BCAS3: variants seen among roughly 807,000 people sequenced by gnomAD.
BCAS3 encodes BCAS4/BCAS3 fusion.
Under a neutral mutation model 116.1 loss-of-function variants are expected in BCAS3, and 53 were observed. The ratio of observed to expected loss-of-function variants is 0.46; its 90% confidence interval spans 0.37 to 0.57. The LOEUF is 0.57. Ranked by LOEUF, BCAS3 falls within the 20% of genes least tolerant of loss-of-function variation. The probability of loss-of-function intolerance (pLI) is 0.00; values close to 1 mark genes in which losing one functional copy is unlikely to be tolerated. For synonymous variants in BCAS3, 391 were observed against 408.2 expected, an observed-to-expected ratio of 0.96 and a Z score of 0.51; for missense variants, 917 against 1,165.4, an observed-to-expected ratio of 0.79 and a Z score of 3.10.
intron 22 of BCAS3, among the ~76,000 whole-genome samples, chr17:61,182,444 A>G (rs1428342011): frequency 6.6e-6 from 1 of 152,174 alleles, no homozygotes; most frequent in African/African-American, 2.4e-5. Flanking sequence ...TCAATAAATA[A>G]CCAAGCTTGT....
chr17:61,339,294 A>G lies in BCAS3; in HGVS notation c.2426-29033A>G, dbSNP rs1392432756. Among the ~76,000 whole-genome samples the G allele has an allele frequency of 1.3e-5, 2 of 152,178 alleles. No individual in the cohort carries two copies. The highest frequency in any genetic ancestry group is 2.9e-5 in the Non-Finnish European group (2 of 68,032). On this transcript the variant is annotated intron_variant, in intron 22 of 23. Transcript: ENST00000407086. This position sits in a 1 kb window ranked among gnomAD's most constrained non-coding sequence, Gnocchi z 4.4. ...CATCCCAGGTCACACCCAAAAGCCA[A>G]TGAAGAAAGGGTTTTGGTTTGGTGA...
chr17:60,820,361 A>ATT (rs2049848391), intron 7 of BCAS3, among the ~76,000 whole-genome samples: 1 of 152,004 alleles, frequency 6.6e-6, no homozygotes, highest in Non-Finnish European at 1.5e-5. Flanking sequence ...GGGGCATCTT[A>ATT]TTTCTCCAGA....
intron 22 of BCAS3, among the ~76,000 whole-genome samples, chr17:61,252,177 T>G (rs1210079567): frequency 6.6e-6 from 1 of 152,200 alleles, no homozygotes; most frequent in Non-Finnish European, 1.5e-5. Flanking sequence ...AACGTTTTGT[T>G]TAGAGTTCAG....
At chr17:60,779,764 T>C (rs1162109201) in intron 6 of BCAS3, among the ~76,000 whole-genome samples, 1 of 152,212 alleles carries the variant, frequency 6.6e-6, no homozygotes, top group East Asian at 1.9e-4. Flanking sequence ...GAAATGCTCC[T>C]GTTCCCAAGC....
At chr17:60,889,479 T>G (rs1248943964) in intron 9 of BCAS3, among the ~76,000 whole-genome samples, 34 of 152,218 alleles carry the variant, frequency 2.2e-4, no homozygotes, top group Admixed American at 2.1e-3. Context: ...GATTTGTTTC[T>G]TATTGGGACA....
chr17:60,909,490 T>TACA (rs1250301632), intron 11 of BCAS3, among the ~76,000 whole-genome samples: 1 of 152,160 alleles, frequency 6.6e-6, no homozygotes, highest in Non-Finnish European at 1.5e-5. Context: ...CTTTTTTTCT[T>TACA]ACAACATGAG....
At chr17:60,858,422 C>T (rs1259080905) in intron 7 of BCAS3, among the ~76,000 whole-genome samples, 3 of 151,456 alleles carry the variant, frequency 2.0e-5, no homozygotes, top group African/African-American at 7.3e-5. Flanking sequence ...GGGACTCATA[C>T]AGTGTGTAGA....
intron 22 of BCAS3, among the ~76,000 whole-genome samples, chr17:61,270,744 T>C (rs994679912): frequency 2.0e-5 from 3 of 152,140 alleles, no homozygotes; most frequent in African/African-American, 7.2e-5. Flanking sequence ...TTTGTTTTGT[T>C]TTGTTTGTTT....
At chr17:61,389,358 G>A (rs1012538288) in intron 23 of BCAS3, 2 of 152,866 alleles carry the variant, frequency 1.3e-5, no homozygotes, top group Admixed American at 1.3e-4. Context: ...GGTATCACTA[G>A]TGAGGGGTTG....
chr17:60,736,703 G>T (rs1194980346), intron 5 of BCAS3, among the ~76,000 whole-genome samples: 7 of 152,136 alleles, frequency 4.6e-5, no homozygotes, highest in African/African-American at 1.7e-4. Context: ...TTTAATAGGT[G>T]TAGACCTATT....
At chr17:61,100,232 A>G (rs1001217040) in intron 22 of BCAS3, among the ~76,000 whole-genome samples, 1 of 152,282 alleles carries the variant, frequency 6.6e-6, no homozygotes. Flanking sequence ...AACAGAACCC[A>G]TTTACTCTTC....
In BCAS3 at chr17:61,381,385, C is replaced by T. The variant is rs537761766; in HGVS notation, c.2594-10592C>T. ...ATCAGCCAGGCCGTTTCCATCTGGA[C>T]GGGCGGCGGCACCACCACAATTAGC... On this transcript the variant is annotated intron_variant, in intron 23 of 23. Transcript: ENST00000407086. The surrounding 1 kb of genome is among the most constrained non-coding windows in gnomAD (Gnocchi z 6.0). 8.5e-5 allele frequency among the ~76,000 whole-genome samples: 13 copies of T among 152,272 alleles called. No homozygotes were observed. Among genetic ancestry groups the T allele is most frequent in the Admixed American group, 3.3e-4 (5 of 15,294 alleles).
chr17:61,286,855 GCATT>G lies in BCAS3; in HGVS notation c.2426-81463_2426-81460del, dbSNP rs1218959333. ...GAATGCTTTCTAGGACCTTTATACTGCATTCATTCATTTATTCATTCACTGAAAC... is the reference window on the plus strand; with the variant it reads ...GAATGCTTTCTAGGACCTTTATACTGCATTCATTTATTCATTCACTGAAAC... On this transcript the variant is annotated intron_variant, in intron 22 of 23. Coordinates refer to ENST00000407086, the MANE Select transcript of BCAS3 (RefSeq NM_017679.5). This position sits in a 1 kb window ranked among gnomAD's most constrained non-coding sequence, Gnocchi z 4.8. Among the ~76,000 whole-genome samples the G allele has an allele frequency of 6.6e-6, 1 of 152,136 alleles. No individual in the cohort carries two copies. Among genetic ancestry groups the G allele is most frequent in the Non-Finnish European group, 1.5e-5 (1 of 68,020 alleles).
At chr17:60,704,326 A>G (rs543700832) in intron 4 of BCAS3, among the ~76,000 whole-genome samples, 26 of 151,982 alleles carry the variant, frequency 1.7e-4, no homozygotes, top group African/African-American at 6.1e-4. Flanking sequence ...GACTAACTCT[A>G]TTGTTTTGTG....
Position 61,261,301 on chromosome 17 carries a change from A to C in BCAS3, c.2426-107026A>C, listed in dbSNP as rs112493031. On this transcript the variant is annotated intron_variant, in intron 22 of 23. Coordinates refer to ENST00000407086, the MANE Select transcript of BCAS3 (RefSeq NM_017679.5). This position sits in a 1 kb window ranked among gnomAD's most constrained non-coding sequence, Gnocchi z 4.4. ...GCGACCCAGGGAAATCCTGCCTCCCAGTCTTAGCTGGGCGAGGGACAGTTA... is the reference window on the plus strand; with the variant it reads ...GCGACCCAGGGAAATCCTGCCTCCCCGTCTTAGCTGGGCGAGGGACAGTTA... Among the ~76,000 whole-genome samples, 61 of 152,344 alleles carry C rather than the reference A, an allele frequency of 4.0e-4. No individual in the cohort carries two copies. Among genetic ancestry groups the C allele is most frequent in the Non-Finnish European group, 6.8e-4 (46 of 68,036 alleles).
chr17:61,202,413 G>A (rs1004988143), intron 22 of BCAS3, among the ~76,000 whole-genome samples: 1 of 151,976 alleles, frequency 6.6e-6, no homozygotes, highest in Non-Finnish European at 1.5e-5. Context: ...TGGCTTCAAT[G>A]CCCATGCTTT....
At chr17:61,035,751 C>T (rs935955413) in intron 17 of BCAS3, among the ~76,000 whole-genome samples, 6 of 151,986 alleles carry the variant, frequency 3.9e-5, no homozygotes, top group African/African-American at 1.5e-4. Context: ...GTACGGAGCC[C>T]TATATGGTAC....
chr17:60,973,407 A>G (rs2062085745), intron 14 of BCAS3, among the ~76,000 whole-genome samples: 1 of 152,116 alleles, frequency 6.6e-6, no homozygotes, highest in African/African-American at 2.4e-5. Flanking sequence ...CATCCAGTGA[A>G]GGAGTGAATG....
chr17:60,898,211 C>A (rs2057638388), intron 10 of BCAS3, among the ~76,000 whole-genome samples: 1 of 152,004 alleles, frequency 6.6e-6, no homozygotes, highest in Non-Finnish European at 1.5e-5. Flanking sequence ...TCATAAATTT[C>A]TTTTTGATTA....
Sources: allele counts gnomAD v4.1 joint callset (sites outside exome capture counted in the v4.1 genomes callset), GRCh38; gene constraint gnomAD v4.1.1; non-coding constraint Gnocchi (gnomAD v3.1); transcripts MANE v1.5; gene names NCBI Gene and HGNC (gene_info 2026-07-23, HGNC 2026-07-21).